Variants in CREB5 observed in about 807,000 individuals in gnomAD.
CREB5 encodes the protein cyclic AMP-responsive element-binding protein 5.
CREB5 carries 19 observed loss-of-function variants against 57.1 expected under a neutral mutation model. That is an observed-to-expected ratio of 0.33 (90% CI 0.23 to 0.49). CREB5 has a LOEUF of 0.49. CREB5 is among the 20% of genes least tolerant of loss of function. The pLI is 0.99. For synonymous variants in CREB5, 238 were observed against 238.3 expected, an observed-to-expected ratio of 1.00 and a Z score of 0.01; for missense variants, 579 against 671.6, an observed-to-expected ratio of 0.86 and a Z score of 1.52.
rs956567713 is a variant in CREB5 at position 28,416,401 on chromosome 7, T to C, written c.3+3484T>C. 2.6e-5 allele frequency among the ~76,000 whole-genome samples: 4 copies of C among 152,244 alleles called. 1 individual carries two copies. Among genetic ancestry groups the C allele is most frequent in the African/African-American group, 9.6e-5 (4 of 41,464 alleles). On this transcript the variant is annotated intron_variant, in intron 1 of 10. Transcript: ENST00000357727. Reference sequence around the variant, plus strand: ...AGCTGACTATTAGAAGAAATACATGTAATCTCTATTTGCCAGATCTGGTAG... The same window carrying C: ...AGCTGACTATTAGAAGAAATACATGCAATCTCTATTTGCCAGATCTGGTAG...
At position 28,589,577 on chromosome 7, in the gene CREB5, GAAAAC is replaced by G. The variant is rs1400479967; in HGVS notation, c.464+19042_464+19046del. Among the ~76,000 whole-genome samples the G allele has an allele frequency of 7.2e-5, 11 of 152,092 alleles. No homozygotes were observed. In the East Asian group the frequency reaches 2.1e-3, roughly 29 times the overall value. ...TCAAAAACAAAAACAAAAAGAAAAAGAAAACAGAGTTGATATTTCTTTGTGGTTCT... is the reference window on the plus strand; with the variant it reads ...TCAAAAACAAAAACAAAAAGAAAAAGAGAGTTGATATTTCTTTGTGGTTCT... On this transcript the variant is annotated intron_variant, in intron 5 of 10. Transcript: ENST00000357727.
intron 5 of CREB5, among the ~76,000 whole-genome samples, chr7:28,592,513 G>T (rs772896233): frequency 1.3e-5 from 2 of 152,128 alleles, no homozygotes; most frequent in African/African-American, 2.4e-5. Context: ...GCAAGGGGGG[G>T]TTGACATCCT....
At chr7:28,450,811 T>A (rs1789759631) in intron 1 of CREB5, among the ~76,000 whole-genome samples, 1 of 152,224 alleles carries the variant, frequency 6.6e-6, no homozygotes, top group Non-Finnish European at 1.5e-5. Context: ...GAAATAGTAA[T>A]TTTCTTTCTG....
chr7:28,560,946 G>T (rs1474335177), intron 4 of CREB5, among the ~76,000 whole-genome samples: 1 of 41,498 alleles, frequency 2.4e-5, no homozygotes, highest in African/African-American at 1.1e-4. Context: ...GCGTGCGTGT[G>T]TGTGCGTGTG....
At chr7:28,601,186 G>A (rs968921708) in intron 5 of CREB5, among the ~76,000 whole-genome samples, 61 of 151,644 alleles carry the variant, frequency 4.0e-4, no homozygotes, top group African/African-American at 1.5e-3. Flanking sequence ...TTTTTGGAAA[G>A]GGGGGCTCCA....
intron 5 of CREB5, among the ~76,000 whole-genome samples, chr7:28,627,015 TGACA>T (rs1032988853): frequency 6.6e-6 from 1 of 152,240 alleles, no homozygotes; most frequent in Non-Finnish European, 1.5e-5. Context: ...TTGCAGCCCT[TGACA>T]GACAAAGTTA....
intron 4 of CREB5, among the ~76,000 whole-genome samples, chr7:28,509,008 A>G (rs1206370569): frequency 6.6e-6 from 1 of 152,242 alleles, no homozygotes; most frequent in Non-Finnish European, 1.5e-5. Context: ...AACCATAAAA[A>G]TAGCATGCAA....
intron 1 of CREB5, among the ~76,000 whole-genome samples, chr7:28,486,871 A>G (rs974491802): frequency 2.6e-5 from 4 of 151,378 alleles, no homozygotes; most frequent in Non-Finnish European, 4.4e-5. Context: ...TTGGGAGGCC[A>G]AGATGAGAGG....
chr7:28,812,470 A>C (rs919684287), intron 9 of CREB5, among the ~76,000 whole-genome samples: 10 of 152,142 alleles, frequency 6.6e-5, no homozygotes, highest in African/African-American at 2.4e-4. Context: ...ATTTCTTTAG[A>C]GCCAAATGGC....
chr7:28,496,922 C>T (rs1277220779), intron 3 of CREB5, among the ~76,000 whole-genome samples: 1 of 152,094 alleles, frequency 6.6e-6, no homozygotes, highest in Non-Finnish European at 1.5e-5. Context: ...GGAAGGATGG[C>T]CTATTCTTTT....
At chr7:28,329,609 T>C (rs1360827980) in intron 1 of CREB5, among the ~76,000 whole-genome samples, 1 of 152,240 alleles carries the variant, frequency 6.6e-6, no homozygotes, top group Non-Finnish European at 1.5e-5. Context: ...GAATATGGTG[T>C]GTGAGATTTT....
Position 28,435,667 on chromosome 7 carries a change from G to A in CREB5, c.3+22750G>A. 4.1e-6 allele frequency: 4 copies of A among 985,234 alleles called. No homozygotes were observed. The South Asian group carries it at 1.9e-4, about 46-fold the overall frequency. The allele number at this position is 985,234 out of a possible 1,614,324, so 61.0% of individuals were successfully genotyped here. Reference sequence around the variant, plus strand: ...GAAACGATCTCATTTACCTGAATGAGGAGCTCATATTTATTTTCAGGGTAA... The same window carrying A: ...GAAACGATCTCATTTACCTGAATGAAGAGCTCATATTTATTTTCAGGGTAA... On this transcript the variant is annotated intron_variant, in intron 1 of 10. Transcript: ENST00000357727.
intron 1 of CREB5, among the ~76,000 whole-genome samples, chr7:28,342,943 C>CT (rs869289099): frequency 4.8e-4 from 70 of 147,140 alleles, no homozygotes; most frequent in Admixed American, 6.1e-4. Context: ...ATATGTAATA[C>CT]TTTTTTTTTT....
intron 1 of CREB5, among the ~76,000 whole-genome samples, chr7:28,321,699 T>C (rs1052277321): frequency 2.0e-5 from 3 of 152,028 alleles, no homozygotes; most frequent in Non-Finnish European, 4.4e-5. Flanking sequence ...AGGTGGTGAG[T>C]GGGGGACTGC....
At position 28,460,337 on chromosome 7, in the gene CREB5, T is replaced by G. The variant is rs1024258295; in HGVS notation, c.4-27838T>G. 4.6e-5 allele frequency among the ~76,000 whole-genome samples: 7 copies of G among 152,330 alleles called. No homozygotes were observed. In the South Asian group the frequency reaches 1.5e-3, roughly 32 times the overall value. ...ACCATATCTAATTGCTTTACACATG[T>G]CATTTTATTTAAACTTCAAAATAAC... On this transcript the variant is annotated intron_variant, in intron 1 of 10. Coordinates refer to ENST00000357727, the MANE Select transcript of CREB5 (RefSeq NM_182898.4).
chr7:28,586,032 A>C (rs1230499289), intron 5 of CREB5, among the ~76,000 whole-genome samples: 3 of 152,108 alleles, frequency 2.0e-5, no homozygotes, highest in African/African-American at 7.2e-5. Flanking sequence ...GGATGGAGTG[A>C]TCCTGGGTTT....
chr7:28,587,644 A>G (rs1480591832), intron 5 of CREB5, among the ~76,000 whole-genome samples: 1 of 152,244 alleles, frequency 6.6e-6, no homozygotes, highest in African/African-American at 2.4e-5. Context: ...CATAAAGAGC[A>G]AGGCTAAATT....
intron 1 of CREB5, among the ~76,000 whole-genome samples, chr7:28,322,603 C>A (rs112275071): frequency 6.6e-6 from 1 of 151,534 alleles, no homozygotes; most frequent in South Asian, 2.1e-4. Context: ...CCCAGCCCCC[C>A]ACTCCCCGAC....
intron 7 of CREB5, among the ~76,000 whole-genome samples, chr7:28,727,657 C>T (rs966940935): frequency 5.3e-5 from 8 of 152,194 alleles, no homozygotes; most frequent in South Asian, 2.1e-4. Context: ...AAACCAGTAA[C>T]GATTTGGAAG....
Sources: allele counts gnomAD v4.1 joint callset (sites outside exome capture counted in the v4.1 genomes callset), GRCh38; gene constraint gnomAD v4.1.1; transcripts MANE v1.5; gene names NCBI Gene and HGNC (gene_info 2026-07-23, HGNC 2026-07-21).